The following ECHDC2 variants were observed in gnomAD, a reference collection of about 807,000 sequenced individuals.
ECHDC2 encodes enoyl-CoA hydratase domain-containing protein 2, mitochondrial.
ECHDC2 carries 34 observed loss-of-function variants against 40.6 expected under a neutral mutation model. The observed-to-expected ratio is 0.84, with a 90% CI of 0.64 to 1.11. The LOEUF (loss-of-function observed/expected upper bound fraction) is 1.11. ECHDC2 is among the 50% of genes most tolerant of loss of function. ECHDC2 has a pLI of 0.00. For synonymous variants in ECHDC2, 162 were observed against 166.6 expected (o/e 0.97, Z 0.21); for missense variants, 392 against 400.7 (o/e 0.98, Z 0.19).
rs1650176036 is a variant in ECHDC2, at chr1:52,914,178, G to A, written c.122-2388C>T. 2.3e-6 allele frequency: 1 copy of A among 442,560 alleles called. No homozygotes were observed. The allele number at this position is 442,560 out of a possible 1,614,324, so 27.4% of individuals were successfully genotyped here. ...AGGACAAACAAGTAAGGGGCCTCCAGTGGGCAGAGGGGAGCCCTAGTATAG... is the reference window on the plus strand; with the variant it reads ...AGGACAAACAAGTAAGGGGCCTCCAATGGGCAGAGGGGAGCCCTAGTATAG... On this transcript the variant is annotated intron_variant, in intron 1 of 9. Transcript: ENST00000371522. This position sits in a 1 kb window ranked among gnomAD's most constrained non-coding sequence, Gnocchi z 4.0.
intron 1 of ECHDC2, among the ~76,000 whole-genome samples, chr1:52,915,884 A>G (rs968179538): frequency 6.6e-6 from 1 of 152,186 alleles, no homozygotes; most frequent in African/African-American, 2.4e-5. Context: ...CTTATTAGAG[A>G]CACTCATGGG....
chr1:52,920,401 C>T (rs887225082), intron 1 of ECHDC2: 12 of 775,354 alleles, frequency 1.5e-5, no homozygotes, highest in Admixed American at 1.2e-4. Flanking sequence ...GGGCGGCAGG[C>T]GCCATGTCCG....
intron 1 of ECHDC2, chr1:52,915,401 A>C: frequency 2.2e-6 from 1 of 454,754 alleles, no homozygotes; most frequent in Non-Finnish European, 4.4e-6. Flanking sequence ...GTGTTCAGCC[A>C]GGAATTACAG....
At chr1:52,904,376 T>C (rs1178575268) in intron 7 of ECHDC2, among the ~76,000 whole-genome samples, 1 of 152,212 alleles carries the variant, frequency 6.6e-6, no homozygotes. Context: ...GTATAGAACA[T>C]TTATCTCATC....
intron 1 of ECHDC2, among the ~76,000 whole-genome samples, chr1:52,915,451 A>C (rs905764812): frequency 3.9e-5 from 6 of 152,200 alleles, no homozygotes; most frequent in Non-Finnish European, 8.8e-5. Context: ...ATTCAGGCAA[A>C]CTGGACTTCC....
At chr1:52,902,651 A>T (rs1647059458) in intron 7 of ECHDC2, among the ~76,000 whole-genome samples, 1 of 152,228 alleles carries the variant, frequency 6.6e-6, no homozygotes, top group Non-Finnish European at 1.5e-5. Flanking sequence ...TGTATGGTTA[A>T]CTTTGTTTTG....
Position 52,906,522 on chromosome 1 carries a change from CCACTCGGAGGT to C in ECHDC2, c.443_453del (p.Asp148GlyfsTer11). On this transcript the variant is annotated frameshift_variant, in exon 5 of 10. Coordinates refer to ENST00000371522, the MANE Select transcript of ECHDC2 (RefSeq NM_001198961.2). LOFTEE classifies it high-confidence loss of function. ...GCCCCCAGTCCTGGCCCAGTACCTG[CCACTCGGAGGT>C]CACAGGCCAGGGCAAGCTCTAGGCC... 6.2e-7 allele frequency: 1 copy of C among 1,610,698 alleles called. No individual in the cohort carries two copies. Among genetic ancestry groups the C allele is most frequent in the Non-Finnish European group, 8.5e-7 (1 of 1,179,030 alleles).
At position 52,911,590 on chromosome 1, in the gene ECHDC2, C is replaced by A; in HGVS notation, c.253G>T (p.Gly85Ter). The change falls in exon 3 of 10, where the codon GGA becomes TGA. Residue 85 changes from glycine (G) to a stop codon, truncating the protein, a stop_gained. Transcript: ENST00000371522. LOFTEE classifies it high-confidence loss of function. ...RQVRVLLFRS[G>*]VKGVFCAGAD... ...CCTGCACAGAACACGCCCTTCACTC[C>A]ACTTCTGAAGAGCAGGACACGCACT... The A allele has an allele frequency of 6.2e-7, 1 of 1,613,984 alleles. No homozygotes were observed.
chr1:52,898,780 G>A (rs1646798746), intron 8 of ECHDC2: 1 of 307,148 alleles, frequency 3.3e-6, no homozygotes, highest in Non-Finnish European at 6.2e-6. Flanking sequence ...GAGGTGGACA[G>A]ATGGATTAGC....
rs771512265 is a variant in ECHDC2 at position 52,896,603 on chromosome 1, A to G, written c.802-6T>C. On this transcript the variant is annotated splice_polypyrimidine_tract_variant and splice_region_variant and intron_variant, in intron 9 of 9. Coordinates refer to ENST00000371522, the MANE Select transcript of ECHDC2 (RefSeq NM_001198961.2). ...CGGTCCCGGGTTGGAATATTCTGCA[A>G]CAAGGTACAAAATATTAGTTTTGGG... The G allele has an allele frequency of 3.1e-6, 5 of 1,613,038 alleles. No homozygotes were observed. Among genetic ancestry groups the G allele is most frequent in the Middle Eastern group, 1.7e-4 (1 of 6,050 alleles).
chr1:52,906,660 G>C, intron 4 of ECHDC2, 49 bp from the exon 5 acceptor site: 2 of 1,496,114 alleles, frequency 1.3e-6, no homozygotes, highest in Non-Finnish European at 1.8e-6. Context: ...GTGGGACCAG[G>C]ACAGAGACTC....
intron 7 of ECHDC2, 31 bp downstream of exon 7, chr1:52,904,615 C>T: frequency 6.5e-7 from 1 of 1,537,804 alleles, no homozygotes; most frequent in Non-Finnish European, 8.8e-7. Flanking sequence ...ATGACTCCAG[C>T]CCTCCTTCTG....
At chr1:52,915,982 G>T (rs956350053) in intron 1 of ECHDC2, among the ~76,000 whole-genome samples, 35 of 152,270 alleles carry the variant, frequency 2.3e-4, no homozygotes, top group Admixed American at 2.2e-3. Flanking sequence ...AAGAGAACAG[G>T]ACTTCAGTCC....
intron 4 of ECHDC2, chr1:52,907,400 G>A (rs1195763523): frequency 6.3e-6 from 1 of 157,952 alleles, no homozygotes; most frequent in African/African-American, 2.4e-5. Context: ...TGTTCCCATG[G>A]GGCTCAGTCT....
intron 1 of ECHDC2, chr1:52,915,065 C>T: frequency 2.7e-6 from 1 of 371,124 alleles, no homozygotes; most frequent in South Asian, 2.0e-5. Context: ...ACTCTGGCCC[C>T]AATTCACCCC....
At chr1:52,897,106 C>T in intron 9 of ECHDC2, 2 of 428,692 alleles carry the variant, frequency 4.7e-6, no homozygotes, top group Non-Finnish European at 8.5e-6. Flanking sequence ...CAACCAAGCC[C>T]TTGACCTCCC....
At chr1:52,920,599 C>T in intron 1 of ECHDC2, 1 of 1,111,074 alleles carries the variant, frequency 9.0e-7, no homozygotes, top group Non-Finnish European at 1.4e-6. Flanking sequence ...AAAAAGTAAG[C>T]TGTTCCCTGT....
At chr1:52,921,316 C>A (rs867129518) in intron 1 of ECHDC2, 4 of 925,190 alleles carry the variant, frequency 4.3e-6, no homozygotes, top group Non-Finnish European at 1.5e-6. Flanking sequence ...CGGAAGACCC[C>A]AAAGGGCCTT....
chr1:52,906,733 T>C (rs929743108), intron 4 of ECHDC2, 122 bp from the exon 5 acceptor site: 12 of 623,144 alleles, frequency 1.9e-5, no homozygotes, highest in Non-Finnish European at 3.1e-5. Flanking sequence ...CTGGGGACAT[T>C]ACATGGAACC....
Sources: gnomAD v4.1 joint callset for allele counts (sites outside exome capture counted in the v4.1 genomes callset) on GRCh38, gnomAD v4.1.1 for gene constraint, Gnocchi (gnomAD v3.1) non-coding constraint, MANE v1.5 for transcripts, NCBI Gene and HGNC (gene_info 2026-07-23, HGNC 2026-07-21) for gene names.